Variants in GRIK4 observed in about 807,000 individuals in gnomAD.
The protein encoded by GRIK4 is glutamate receptor ionotropic, kainate 4.
A neutral mutation model predicts 104.9 loss-of-function variants in GRIK4; 40 were observed. The ratio of observed to expected loss-of-function variants is 0.38; its 90% CI spans 0.30 to 0.50. The LOEUF is 0.50. Among genes scored for constraint, GRIK4 ranks in the 20% least tolerant of loss-of-function variants. The pLI, the probability that GRIK4 is intolerant of heterozygous loss-of-function variation, is 0.93. For missense variants in GRIK4, 1,047 were observed against 1,308.1 expected, an observed-to-expected ratio of 0.80 and a Z score of 3.08; for synonymous variants, 485 against 524.9, an observed-to-expected ratio of 0.92 and a Z score of 1.04.
chr11:120,623,305 AT>A (rs986123850), intron 1 of GRIK4, among the ~76,000 whole-genome samples: 2 of 151,358 alleles, frequency 1.3e-5, no homozygotes, highest in African/African-American at 4.9e-5. Flanking sequence ...TTTTATTTTT[AT>A]TTTTTTGTAG....
chr11:120,898,512 C>T lies in GRIK4; in HGVS notation c.1165-20C>T. 7.1e-7 allele frequency: 1 copy of T among 1,411,638 alleles called. No individual in the cohort carries two copies. Among genetic ancestry groups the T allele is most frequent in the Non-Finnish European group, 1.0e-6 (1 of 995,292 alleles). The allele number at this position is 1,411,638 out of a possible 1,614,324, so 87.4% of individuals were successfully genotyped here. A position where few individuals can be genotyped will look rare whatever the true frequency, so the allele number is the denominator to read the frequency against. The stretch of plus-strand genomic sequence containing the variant: ...TGGAGGCCACCATTTCTTCCCAGTC[C>T]TCTCCGTTGGTCTCCTCAGATCGGC... On this transcript the variant is annotated intron_variant, in intron 11 of 20. Transcript: ENST00000527524.
At chr11:120,699,591 A>G (rs1950518067) in intron 3 of GRIK4, among the ~76,000 whole-genome samples, 1 of 150,522 alleles carries the variant, frequency 6.6e-6, no homozygotes, top group Non-Finnish European at 1.5e-5. Context: ...GTACCCATAT[A>G]GTCTGTGACT....
At chr11:120,773,296 T>C (rs1951981820) in intron 3 of GRIK4, among the ~76,000 whole-genome samples, 1 of 152,214 alleles carries the variant, frequency 6.6e-6, no homozygotes, top group African/African-American at 2.4e-5. Context: ...AGTAGACAGA[T>C]ACACAGACAA....
rs774984131 is a variant in GRIK4, at chr11:120,940,613, C to A, written c.1590+153C>A. Among the ~76,000 whole-genome samples, 1 of 152,180 alleles carries A rather than the reference C, an allele frequency of 6.6e-6. No homozygotes were observed. The highest frequency in any genetic ancestry group is 2.4e-5 in the African/African-American group (1 of 41,442). Reference sequence around the variant, plus strand: ...GCTATTTTTTCTCCTATCATCTGCACGAACTTGCAAACTGAAGGGATGGAA... The same window carrying A: ...GCTATTTTTTCTCCTATCATCTGCAAGAACTTGCAAACTGAAGGGATGGAA... On this transcript the variant is annotated intron_variant, in intron 14 of 20. Coordinates refer to ENST00000527524, the MANE Select transcript of GRIK4 (RefSeq NM_014619.5). The surrounding 1 kb of genome is among the most constrained non-coding windows in gnomAD (Gnocchi z 4.3).
At chr11:120,954,323 C>G (rs922350900) in intron 15 of GRIK4, among the ~76,000 whole-genome samples, 1 of 151,964 alleles carries the variant, frequency 6.6e-6, no homozygotes, top group African/African-American at 2.4e-5. Flanking sequence ...GAGTTTGCTG[C>G]TTGGGCACCA....
intron 1 of GRIK4, among the ~76,000 whole-genome samples, chr11:120,577,554 C>G (rs142083607): frequency 5.1e-4 from 78 of 152,158 alleles, no homozygotes; most frequent in Non-Finnish European, 9.6e-4. Context: ...TGGGGAGTTT[C>G]TTGGAAGGCA....
At chr11:120,878,733 G>A (rs1182807670) in intron 11 of GRIK4, among the ~76,000 whole-genome samples, 1 of 151,584 alleles carries the variant, frequency 6.6e-6, no homozygotes, top group Non-Finnish European at 1.5e-5. Flanking sequence ...ATGTAGCTTC[G>A]CAGCTTTGGT....
chr11:120,985,836 A>T, intron 20 of GRIK4, 68 bp from the exon 21 acceptor site: 1 of 1,425,458 alleles, frequency 7.0e-7, no homozygotes, highest in East Asian at 2.5e-5. Flanking sequence ...CCCTCATCCC[A>T]GCGGACTCGC....
chr11:120,528,940 TGTGCCCATCTA>T (rs1419328225), intron 1 of GRIK4, among the ~76,000 whole-genome samples: 1 of 152,214 alleles, frequency 6.6e-6, no homozygotes, highest in Non-Finnish European at 1.5e-5. Flanking sequence ...CTATTGAGCA[TGTGCCCATCTA>T]CAGCACTTTA....
At position 120,790,999 on chromosome 11, in the gene GRIK4, A is replaced by T. The variant is rs1023845696; in HGVS notation, c.83-11694A>T. Among the ~76,000 whole-genome samples, 10 of 152,220 alleles carry T rather than the reference A, an allele frequency of 6.6e-5. No homozygotes were observed. The South Asian group carries it at 2.1e-3, about 32-fold the overall frequency. On this transcript the variant is annotated intron_variant, in intron 3 of 20. Coordinates refer to ENST00000527524, the MANE Select transcript of GRIK4 (RefSeq NM_014619.5). The stretch of plus-strand genomic sequence containing the variant: ...TTTGGACATTTGGACATTTCTTACT[A>T]GTAGCCAGAAAAAGGAGTCTGATGT...
At chr11:120,643,518 A>C (rs1949498627) in intron 1 of GRIK4, among the ~76,000 whole-genome samples, 1 of 152,246 alleles carries the variant, frequency 6.6e-6, no homozygotes, top group Non-Finnish European at 1.5e-5. Flanking sequence ...GTTGGTGTAC[A>C]GCCTGCTGGA....
intron 9 of GRIK4, among the ~76,000 whole-genome samples, chr11:120,863,147 T>C (rs1954305976): frequency 6.6e-6 from 1 of 152,248 alleles, no homozygotes. Context: ...TAATTGAGCC[T>C]GGCTAGATGG....
intron 3 of GRIK4, among the ~76,000 whole-genome samples, chr11:120,722,451 A>G (rs1950950039): frequency 6.6e-6 from 1 of 152,106 alleles, no homozygotes; most frequent in Admixed American, 6.5e-5. Context: ...TCTACTAAAA[A>G]TACAAATTTA....
intron 8 of GRIK4, among the ~76,000 whole-genome samples, chr11:120,841,778 T>C (rs1953722791): frequency 2.0e-5 from 3 of 152,248 alleles, no homozygotes; most frequent in Admixed American, 6.5e-5. Context: ...CAATACTTGC[T>C]ATTTTTCATT....
intron 19 of GRIK4, among the ~76,000 whole-genome samples, chr11:120,978,563 G>T (rs1944600098): frequency 6.6e-6 from 1 of 152,184 alleles, no homozygotes; most frequent in African/African-American, 2.4e-5. Flanking sequence ...TGAGGCAACT[G>T]TGTAGTGTGC....
At chr11:120,642,185 G>A (rs1949479096) in intron 1 of GRIK4, among the ~76,000 whole-genome samples, 1 of 152,156 alleles carries the variant, frequency 6.6e-6, no homozygotes, top group Non-Finnish European at 1.5e-5. Context: ...AAAGTTATTA[G>A]CCAGGTGTGG....
At chr11:120,749,609 C>A (rs1357205114) in intron 3 of GRIK4, among the ~76,000 whole-genome samples, 3 of 152,176 alleles carry the variant, frequency 2.0e-5, no homozygotes, top group African/African-American at 7.2e-5. Context: ...GTTCGTCCAG[C>A]TGAGAATTGA....
chr11:120,842,469 G>A (rs1953742025), intron 8 of GRIK4, among the ~76,000 whole-genome samples: 1 of 152,176 alleles, frequency 6.6e-6, no homozygotes, highest in Non-Finnish European at 1.5e-5. Flanking sequence ...AGGGAGAAGA[G>A]GAAATGAGTT....
intron 1 of GRIK4, among the ~76,000 whole-genome samples, chr11:120,582,397 C>T (rs1360424335): frequency 6.6e-6 from 1 of 151,914 alleles, no homozygotes; most frequent in Non-Finnish European, 1.5e-5. Flanking sequence ...GGTGGTCAGA[C>T]TATTTCATCG....
Sources: gnomAD v4.1 joint callset for allele counts (sites outside exome capture counted in the v4.1 genomes callset) on GRCh38, gnomAD v4.1.1 for gene constraint, Gnocchi (gnomAD v3.1) non-coding constraint, MANE v1.5 for transcripts, NCBI Gene and HGNC (gene_info 2026-07-23, HGNC 2026-07-21) for gene names.